SAMD15: variants seen among roughly 807,000 people sequenced by gnomAD.
SAMD15 encodes the protein sterile alpha motif domain-containing protein 15.
A neutral mutation model predicts 50.5 loss-of-function variants in SAMD15; 37 were observed. That is an observed-to-expected ratio of 0.73 (90% CI 0.56 to 0.96). The LOEUF is 0.96. Ranked by LOEUF, SAMD15 falls within the 40% of genes least tolerant of loss-of-function variation. The pLI, the probability that SAMD15 is intolerant of heterozygous loss-of-function variation, is 0.00. For missense variants in SAMD15, 789 were observed against 783.8 expected (o/e 1.01, Z -0.08); for synonymous variants, 255 against 282.8 (o/e 0.90, Z 0.99).
intron 1 of SAMD15, 69 bp from the exon 2 acceptor site, chr14:77,380,304 TCCCTTCCTCC>T: frequency 1.1e-6 from 1 of 909,164 alleles, no homozygotes; most frequent in Non-Finnish European, 1.8e-6. Context: ...CACGACTTCT[TCCCTTCCTCC>T]CCCTTCCCTC....
chr14:77,386,953 G>A (rs1407623963), intron 2 of SAMD15, among the ~76,000 whole-genome samples: 1 of 152,202 alleles, frequency 6.6e-6, no homozygotes, highest in Non-Finnish European at 1.5e-5. Context: ...TGAAGTAGGT[G>A]TTCTGCCGTG....
intron 1 of SAMD15, 93 bp downstream of exon 1, chr14:77,379,200 G>C: frequency 8.2e-7 from 1 of 1,215,620 alleles, no homozygotes; most frequent in Non-Finnish European, 1.2e-6. Context: ...CTCTTTACCG[G>C]AAGGAGTATC....
At chr14:77,390,860 A>G in intron 2 of SAMD15, 148 bp from the exon 3 acceptor site, 3 of 649,098 alleles carry the variant, frequency 4.6e-6, no homozygotes, top group Non-Finnish European at 8.1e-6. Context: ...ACTGCACTCC[A>G]GCCTGGGCGA....
rs1156582546 is a variant in SAMD15 at position 77,379,052 on chromosome 14, G to A, written c.1634G>A (p.Trp545Ter). The change falls in exon 1 of 3, where the codon TGG (tryptophan) becomes TAG (stop). Residue 545 changes from tryptophan to a stop codon, truncating the protein, a stop_gained. Transcript: ENST00000216471. LOFTEE classifies it high-confidence loss of function. ...GTELQFEHLNWDPEEVAEWIS... is the reference protein window; with the variant it reads ...GTELQFEHLN ...GAGTTACAATTTGAGCATCTTAATT[G>A]GGATCCAGAGGAAGTTGCAGAGTGG... 6.2e-7 allele frequency: 1 copy of A among 1,613,828 alleles called. No individual in the cohort carries two copies. The highest frequency in any genetic ancestry group is 8.5e-7 in the Non-Finnish European group (1 of 1,179,720).
chr14:77,384,404 T>C (rs1893981753), intron 2 of SAMD15, among the ~76,000 whole-genome samples: 2 of 152,228 alleles, frequency 1.3e-5, no homozygotes. Flanking sequence ...CTTCTACATT[T>C]AATTGTCCCC....
chr14:77,381,408 A>C (rs1262447346), intron 2 of SAMD15, among the ~76,000 whole-genome samples: 5 of 152,114 alleles, frequency 3.3e-5, no homozygotes, highest in South Asian at 2.1e-4. Flanking sequence ...ACCCCACCCC[A>C]ATAACCCTCC....
rs760505647 is a variant in SAMD15, at chr14:77,377,416, CA to C, written c.1del. 7.3e-5 allele frequency: 116 copies of C among 1,599,548 alleles called. No homozygotes were observed. In the African/African-American group the frequency reaches 1.3e-3, roughly 17 times the overall value. On this transcript the variant is annotated 5_prime_UTR_variant, in exon 1 of 3. Transcript: ENST00000216471. ...AAGCCGCGGCGCGTCTGCTAAGCTG[CA>C]AATGGCTGAAGTCCCGGAGGATTAT...
rs767369877 is a variant in SAMD15 at position 77,377,991 on chromosome 14, G to A, written c.573G>A (p.Gly191=). ...TACTAGAGGAGGAGACTGAACCGGG[G>A]GTTCCAGAGGAATCACTTAGAGTGC... is the stretch of plus-strand genomic sequence containing the variant. ...LELLEEETEP[G]VPEESLRVQH... The change falls in exon 1 of 3, where the codon GGG becomes GGA. Residue 191 remains glycine (G), a synonymous_variant. Transcript: ENST00000216471. 84 of 1,613,838 alleles carry A rather than the reference G, an allele frequency of 5.2e-5. No individual in the cohort carries two copies. Among genetic ancestry groups the A allele is most frequent in the Middle Eastern group, 1.6e-4 (1 of 6,084 alleles).
At chr14:77,381,476 A>G (rs779613419) in intron 2 of SAMD15, among the ~76,000 whole-genome samples, 1 of 152,120 alleles carries the variant, frequency 6.6e-6, no homozygotes, top group African/African-American at 2.4e-5. Flanking sequence ...ATGCCCAGAA[A>G]TGTACCACCT....
intron 1 of SAMD15, 57 bp downstream of exon 1, chr14:77,379,164 C>G (rs1210245300): frequency 6.6e-7 from 1 of 1,511,994 alleles, no homozygotes; most frequent in Non-Finnish European, 9.0e-7. Context: ...ACTTCTTATT[C>G]CTTCTAACTT....
intron 2 of SAMD15, among the ~76,000 whole-genome samples, chr14:77,385,540 T>G (rs1261930495): frequency 6.6e-6 from 1 of 152,100 alleles, no homozygotes; most frequent in Non-Finnish European, 1.5e-5. Flanking sequence ...CCGACTGTCT[T>G]GGCCTCCCAA....
intron 2 of SAMD15, among the ~76,000 whole-genome samples, chr14:77,390,002 AT>A (rs35592505): frequency 4.0e-4 from 59 of 148,584 alleles, no homozygotes; most frequent in East Asian, 9.9e-4. Flanking sequence ...ATTTGTTATG[AT>A]TTTTTTTTTT....
intron 2 of SAMD15, among the ~76,000 whole-genome samples, chr14:77,389,938 T>G (rs1894051991): frequency 6.6e-6 from 1 of 152,206 alleles, no homozygotes; most frequent in African/African-American, 2.4e-5. Flanking sequence ...CAGCTCGAAC[T>G]TTAATGTCTG....
At chr14:77,390,550 G>A (rs1464451657) in intron 2 of SAMD15, among the ~76,000 whole-genome samples, 1 of 152,158 alleles carries the variant, frequency 6.6e-6, no homozygotes, top group African/African-American at 2.4e-5. Context: ...GGTAAGGTTA[G>A]GCTAGTAAGC....
At position 77,378,897 on chromosome 14, in the gene SAMD15, A is replaced by C. The variant is rs1893905531; in HGVS notation, c.1479A>C (p.Ser493=). Residue 493 remains serine, a synonymous_variant, in exon 1 of 3, where the codon TCA becomes TCC. Coordinates refer to ENST00000216471, the MANE Select transcript of SAMD15 (RefSeq NM_001010860.4). The part of the protein sequence containing the change: ...QKLLNVSEEC[S]YSDPSESQTE... ...TGCTTAATGTCAGTGAAGAATGCTCATACTCAGATCCCTCAGAGTCTCAGA... is the reference window on the plus strand; with the variant it reads ...TGCTTAATGTCAGTGAAGAATGCTCCTACTCAGATCCCTCAGAGTCTCAGA... The C allele has an allele frequency of 6.2e-7, 1 of 1,614,006 alleles. No homozygotes were observed. The highest frequency in any genetic ancestry group is 8.5e-7 in the Non-Finnish European group (1 of 1,180,000).
intron 2 of SAMD15, among the ~76,000 whole-genome samples, chr14:77,389,496 AT>A (rs768983521): frequency 0.011 from 1,203 of 111,620 alleles, 9 homozygotes; most frequent in Middle Eastern, 0.046. Flanking sequence ...GGCAATCACA[AT>A]TTTTTTTTTT....
intron 2 of SAMD15, among the ~76,000 whole-genome samples, chr14:77,383,670 C>T (rs1277804667): frequency 3.3e-5 from 5 of 151,972 alleles, no homozygotes; most frequent in East Asian, 1.9e-4. Flanking sequence ...ACACTTAGAC[C>T]CACATGAAAA....
chr14:77,377,832 AGAG>A lies in SAMD15; in HGVS notation c.419_421del (p.Glu140del). 6.2e-7 allele frequency: 1 copy of A among 1,614,066 alleles called. No homozygotes were observed. The highest frequency in any genetic ancestry group is 8.5e-7 in the Non-Finnish European group (1 of 1,179,882). On this transcript the variant is annotated inframe_deletion, in exon 1 of 3. Transcript: ENST00000216471. Reference sequence around the variant, plus strand: ...ATAAAGAGTCAGACCTAGAGCCACCAGAGGAGGCTAAACCAAATGTTACAGAGG... The same window carrying A: ...ATAAAGAGTCAGACCTAGAGCCACCAGAGGCTAAACCAAATGTTACAGAGG...
At position 77,378,916 on chromosome 14, in the gene SAMD15, T is replaced by C; in HGVS notation, c.1498T>C (p.Ser500Pro). The C allele has an allele frequency of 6.2e-7, 1 of 1,613,966 alleles. No individual in the cohort carries two copies. The highest frequency in any genetic ancestry group is 1.3e-5 in the African/African-American group (1 of 74,992). The change falls in exon 1 of 3, where the codon TCT (serine) becomes CCT (proline). Residue 500 changes from serine (S) to proline (P), a missense_variant. Physicochemically the swap from Ser to Pro is moderately conservative, Grantham distance 74. Transcript: ENST00000216471. ...ATGCTCATACTCAGATCCCTCAGAG[T>C]CTCAGACAGAATTAAGTGAGTTCGT... Reference protein sequence around the residue: ...EECSYSDPSESQTELSEFVHE... With the variant: ...EECSYSDPSEPQTELSEFVHE...
Sources: allele counts gnomAD v4.1 joint callset (sites outside exome capture counted in the v4.1 genomes callset), GRCh38; gene constraint gnomAD v4.1.1; transcripts MANE v1.5; gene names NCBI Gene and HGNC (gene_info 2026-07-23, HGNC 2026-07-21).